DPH6: variants seen among roughly 807,000 people sequenced by gnomAD.
DPH6 encodes diphthine--ammonia ligase.
A neutral mutation model predicts 38.2 loss-of-function variants in DPH6; 33 were observed. The observed-to-expected ratio is 0.86, with a 90% CI of 0.65 to 1.15. The LOEUF is 1.15. DPH6 is among the 50% of genes most tolerant of loss of function. DPH6 has a pLI of 0.00. For synonymous variants in DPH6, 108 were observed against 103.0 expected, an observed-to-expected ratio of 1.05 and a Z score of -0.30; for missense variants, 325 against 320.0, an observed-to-expected ratio of 1.02 and a Z score of -0.12.
At chr15:35,213,919 T>C (rs540045037), downstream of DPH6, among the ~76,000 whole-genome samples, 56 of 152,304 alleles carry the variant, frequency 3.7e-4, no homozygotes, top group African/African-American at 1.1e-3. Flanking sequence ...GAGACCATCC[T>C]GGCTAACACG....
At chr15:35,546,037 C>T in intron 1 of DPH6, 82 bp downstream of exon 1, 1 of 1,221,396 alleles carries the variant, frequency 8.2e-7, no homozygotes, top group South Asian at 2.5e-5. Flanking sequence ...GACGGAGACA[C>T]CCACTCTTTC....
chr15:35,327,771 A>G (rs72708954), downstream of DPH6, among the ~76,000 whole-genome samples: 1 of 152,200 alleles, frequency 6.6e-6, no homozygotes, highest in Non-Finnish European at 1.5e-5. Flanking sequence ...GAAATAAGAC[A>G]GTTGGGTTGA....
At chr15:35,485,760 C>T (rs1220253633) in intron 3 of DPH6, among the ~76,000 whole-genome samples, 1 of 152,156 alleles carries the variant, frequency 6.6e-6, no homozygotes, top group Non-Finnish European at 1.5e-5. Flanking sequence ...CCACAATGAG[C>T]CTGTGACAAG....
At chr15:35,537,490 G>T (rs1041818901) in intron 3 of DPH6, among the ~76,000 whole-genome samples, 10 of 152,098 alleles carry the variant, frequency 6.6e-5, no homozygotes, top group Non-Finnish European at 1.5e-4. Context: ...AAAATGAAAA[G>T]ATAGTTGCTT....
At chr15:35,333,200 C>T (rs1320567049) in intron 3 of DPH6, among the ~76,000 whole-genome samples, 1 of 151,912 alleles carries the variant, frequency 6.6e-6, no homozygotes, top group Admixed American at 6.6e-5. Context: ...AGACCAATAT[C>T]TGAGAATGGC....
At chr15:35,502,039 T>G (rs938741185) in intron 3 of DPH6, among the ~76,000 whole-genome samples, 1 of 152,124 alleles carries the variant, frequency 6.6e-6, no homozygotes, top group Non-Finnish European at 1.5e-5. Context: ...AACAATAAAA[T>G]TGATGGCTTA....
chr15:35,270,149 C>T (rs1782896629), intron 3 of DPH6, among the ~76,000 whole-genome samples: 1 of 152,160 alleles, frequency 6.6e-6, no homozygotes, highest in African/African-American at 2.4e-5. Context: ...ATGTAAGATG[C>T]AATCCACTGA....
intron 3 of DPH6, among the ~76,000 whole-genome samples, chr15:35,272,218 A>G (rs1291999810): frequency 1.3e-5 from 2 of 152,220 alleles, no homozygotes; most frequent in African/African-American, 2.4e-5. Flanking sequence ...TAATTAATCT[A>G]GAGATGATTT....
At chr15:35,541,256 G>A (rs551666552) in intron 2 of DPH6, among the ~76,000 whole-genome samples, 4 of 152,064 alleles carry the variant, frequency 2.6e-5, no homozygotes, top group African/African-American at 9.7e-5. Flanking sequence ...AATCACAGAA[G>A]GAAAGAAGAT....
chr15:35,155,406 T>C, the DPH6 span, among the ~76,000 whole-genome samples: 2 of 152,222 alleles, frequency 1.3e-5, no homozygotes, highest in African/African-American at 4.8e-5. Context: ...CTCCATTTTA[T>C]AGAGAAGCAC....
At chr15:35,189,812 C>T in the DPH6 span, among the ~76,000 whole-genome samples, 2 of 152,228 alleles carry the variant, frequency 1.3e-5, no homozygotes, top group South Asian at 2.1e-4. Context: ...ACTTAAATAT[C>T]CTTTTTACCG....
intron 3 of DPH6, among the ~76,000 whole-genome samples, chr15:35,223,183 T>C (rs970365549): frequency 6.6e-6 from 1 of 152,172 alleles, no homozygotes; most frequent in Admixed American, 6.5e-5. Context: ...AAGGCCAGAA[T>C]CTTGCAAAGG....
intron 3 of DPH6, among the ~76,000 whole-genome samples, chr15:35,357,013 CT>C (rs1353159010): frequency 6.6e-6 from 1 of 152,206 alleles, no homozygotes; most frequent in African/African-American, 2.4e-5. Context: ...TCTCTGCCGC[CT>C]TGCAGTTTGA....
chr15:35,313,156 C>A (rs960776290), intron 3 of DPH6, among the ~76,000 whole-genome samples: 140 of 152,072 alleles, frequency 9.2e-4, no homozygotes, highest in African/African-American at 3.1e-3. Context: ...TGGCTTGAAC[C>A]TAGGAGGCAG....
At chr15:35,434,997 T>C (rs1296915795) in intron 5 of DPH6, among the ~76,000 whole-genome samples, 2 of 151,748 alleles carry the variant, frequency 1.3e-5, no homozygotes, top group Non-Finnish European at 2.9e-5. Flanking sequence ...TGATCTTGAA[T>C]TCCTAAGCTC....
intron 3 of DPH6, among the ~76,000 whole-genome samples, chr15:35,262,835 C>T (rs988945313): frequency 2.0e-5 from 3 of 151,004 alleles, no homozygotes; most frequent in Non-Finnish European, 2.9e-5. Flanking sequence ...AGATCTTTAC[C>T]AAAGTACCTT....
chr15:35,162,203 C>A, the DPH6 span, among the ~76,000 whole-genome samples: 2 of 151,860 alleles, frequency 1.3e-5, no homozygotes, highest in South Asian at 4.1e-4. Flanking sequence ...CATGCCCAAG[C>A]CTAGTTCCTT....
intron 3 of DPH6, among the ~76,000 whole-genome samples, chr15:35,291,165 A>G (rs1043996219): frequency 6.6e-6 from 1 of 152,140 alleles, no homozygotes; most frequent in Non-Finnish European, 1.5e-5. Flanking sequence ...AGTAGGAAAA[A>G]TATATTAAAC....
At chr15:35,503,325 C>G (rs1438523191) in intron 3 of DPH6, among the ~76,000 whole-genome samples, 1 of 152,012 alleles carries the variant, frequency 6.6e-6, no homozygotes, top group African/African-American at 2.4e-5. Flanking sequence ...AGACCATCCC[C>G]TTTTCACATT....
Sources: gnomAD v4.1 joint callset for allele counts (sites outside exome capture counted in the v4.1 genomes callset) on GRCh38, gnomAD v4.1.1 for gene constraint, MANE v1.5 for transcripts, NCBI Gene and HGNC (gene_info 2026-07-23, HGNC 2026-07-21) for gene names.